CNTLN: variants seen among roughly 807,000 people sequenced by gnomAD.
CNTLN encodes centlein.
In CNTLN, 212 loss-of-function variants were observed where a neutral mutation model predicts 180.0. The observed-to-expected ratio is 1.18, with a 90% CI of 1.05 to 1.32. The LOEUF (loss-of-function observed/expected upper bound fraction) is 1.32, where lower values mean the gene tolerates loss of function less well. Ranked by LOEUF, CNTLN falls within the 40% of genes most tolerant of loss-of-function variation. The pLI, the probability that CNTLN is intolerant of heterozygous loss-of-function variation, is 0.00. For synonymous variants in CNTLN, 722 were observed against 563.1 expected, an observed-to-expected ratio of 1.28 and a Z score of -3.99; for missense variants, 2,095 against 1,610.9, an observed-to-expected ratio of 1.30 and a Z score of -5.14.
At chr9:17,494,743 G>A (rs1039921986) in intron 25 of CNTLN, among the ~76,000 whole-genome samples, 6 of 152,174 alleles carry the variant, frequency 3.9e-5, no homozygotes, top group Non-Finnish European at 7.4e-5. Context: ...CTCGTTTGTG[G>A]TAATGCTGGT....
intron 6 of CNTLN, among the ~76,000 whole-genome samples, chr9:17,292,330 T>A (rs1399355809): frequency 6.6e-6 from 1 of 152,202 alleles, no homozygotes; most frequent in South Asian, 2.1e-4. Flanking sequence ...TTGGATTTCA[T>A]GAATTTGAAT....
At chr9:17,390,615 A>G (rs533003914) in intron 14 of CNTLN, among the ~76,000 whole-genome samples, 1 of 152,278 alleles carries the variant, frequency 6.6e-6, no homozygotes, top group Non-Finnish European at 1.5e-5. Context: ...CTTGAGCTGA[A>G]TTATAACCCA....
chr9:17,377,913 A>C (rs1824911164), intron 13 of CNTLN, among the ~76,000 whole-genome samples: 1 of 152,224 alleles, frequency 6.6e-6, no homozygotes, highest in East Asian at 1.9e-4. Context: ...AATTTGTTCT[A>C]GATCACATAT....
intron 7 of CNTLN, chr9:17,299,928 C>A: frequency 3.2e-6 from 1 of 308,614 alleles, no homozygotes; most frequent in Non-Finnish European, 4.7e-6. Flanking sequence ...TTTTTAATTT[C>A]TTTGTGGTCC....
intron 2 of CNTLN, among the ~76,000 whole-genome samples, chr9:17,189,057 A>T (rs1821619597): frequency 8.9e-6 from 1 of 112,518 alleles, no homozygotes; most frequent in African/African-American, 3.5e-5. Context: ...AATCAATTTG[A>T]GCTTTTTGGG....
At chr9:17,410,827 A>G (rs1476959012) in intron 16 of CNTLN, among the ~76,000 whole-genome samples, 7 of 152,118 alleles carry the variant, frequency 4.6e-5, no homozygotes, top group African/African-American at 1.4e-4. Context: ...TGTAAATCCA[A>G]TGTACGTAAA....
intron 7 of CNTLN, among the ~76,000 whole-genome samples, chr9:17,302,938 A>T (rs1324726827): frequency 6.6e-6 from 1 of 152,200 alleles, no homozygotes; most frequent in Non-Finnish European, 1.5e-5. Flanking sequence ...AAATCGAGAT[A>T]AAAATGTAAA....
chr9:17,138,511 G>T (rs1817870805), intron 1 of CNTLN, among the ~76,000 whole-genome samples: 4 of 152,184 alleles, frequency 2.6e-5, no homozygotes, highest in Admixed American at 2.6e-4. Flanking sequence ...TAGAAATTTA[G>T]ATGTGTTAAA....
intron 20 of CNTLN, 135 bp downstream of exon 20, chr9:17,463,148 A>G (rs1831548258): frequency 3.7e-6 from 2 of 538,378 alleles, no homozygotes; most frequent in Non-Finnish European, 6.7e-6. Flanking sequence ...CTAAGATGAA[A>G]GTTTAAGGAA....
intron 13 of CNTLN, among the ~76,000 whole-genome samples, chr9:17,381,518 G>T: frequency 6.6e-6 from 1 of 152,112 alleles, no homozygotes; most frequent in East Asian, 1.9e-4. Flanking sequence ...ACATAACATG[G>T]GTTACCATTT....
chr9:17,386,821 T>A (rs1368494244), intron 13 of CNTLN, among the ~76,000 whole-genome samples: 1 of 152,234 alleles, frequency 6.6e-6, no homozygotes, highest in Non-Finnish European at 1.5e-5. Flanking sequence ...CTATTATTTT[T>A]AAGATGAAAT....
At position 17,360,498 on chromosome 9, in the gene CNTLN, G is replaced by T. The variant is rs1428681570; in HGVS notation, c.1887-6119G>T. ...GGTGATCAGATACAGCCTAGGGGGT[G>T]GTGGAGGATGAGGAACCCAGTTAGA... is the stretch of plus-strand genomic sequence containing the variant. On this transcript the variant is annotated intron_variant, in intron 12 of 25. Coordinates refer to ENST00000380647, the MANE Select transcript of CNTLN (RefSeq NM_017738.4). 8.5e-5 allele frequency among the ~76,000 whole-genome samples: 13 copies of T among 152,260 alleles called. No homozygotes were observed. The South Asian group carries it at 2.5e-3, about 29-fold the overall frequency.
intron 23 of CNTLN, 52 bp downstream of exon 23, chr9:17,466,943 C>A: frequency 7.7e-7 from 1 of 1,290,448 alleles, no homozygotes; most frequent in Non-Finnish European, 1.1e-6. Context: ...GGCAGATAGG[C>A]AGTAGCCTAC....
intron 7 of CNTLN, among the ~76,000 whole-genome samples, chr9:17,304,909 A>AT (rs1024292629): frequency 2.0e-5 from 3 of 151,930 alleles, no homozygotes; most frequent in African/African-American, 4.8e-5. Flanking sequence ...GCATTTGCAG[A>AT]TTTTTTTTAT....
the CNTLN span, among the ~76,000 whole-genome samples, chr9:17,522,919 G>T: frequency 6.6e-6 from 1 of 151,420 alleles, no homozygotes. Flanking sequence ...TCTCTTCCTG[G>T]TTCCTGTGAT....
At chr9:17,342,274 T>C in intron 11 of CNTLN, 51 bp from the exon 12 acceptor site, 3 of 1,558,880 alleles carry the variant, frequency 1.9e-6, no homozygotes, top group Non-Finnish European at 2.6e-6. Flanking sequence ...AAATAATTTT[T>C]ATTGCACTTC....
intron 25 of CNTLN, 137 bp from the exon 26 acceptor site, chr9:17,502,414 A>G (rs1000981099): frequency 1.1e-5 from 5 of 469,834 alleles, no homozygotes; most frequent in Non-Finnish European, 1.9e-5. Context: ...AGATCAGTAG[A>G]AAAGAGATCC....
intron 12 of CNTLN, among the ~76,000 whole-genome samples, chr9:17,353,387 C>G (rs1359676306): frequency 6.8e-6 from 1 of 146,916 alleles, no homozygotes; most frequent in African/African-American, 2.5e-5. Context: ...TTGTTATGGT[C>G]TGTTTTTGTT....
At chr9:17,375,319 AT>A (rs1184028602) in intron 13 of CNTLN, among the ~76,000 whole-genome samples, 1 of 152,214 alleles carries the variant, frequency 6.6e-6, no homozygotes, top group Non-Finnish European at 1.5e-5. Context: ...TACAAAAAAA[AT>A]AGTTGGAAAG....
Sources: gnomAD v4.1 joint callset for allele counts (sites outside exome capture counted in the v4.1 genomes callset) on GRCh38, gnomAD v4.1.1 for gene constraint, MANE v1.5 for transcripts, NCBI Gene and HGNC (gene_info 2026-07-23, HGNC 2026-07-21) for gene names.